The following SPAG16 variants were observed in gnomAD, a reference collection of about 807,000 sequenced individuals.
The protein encoded by SPAG16 is sperm-associated antigen 16 protein.
Under a neutral mutation model 80.4 loss-of-function variants are expected in SPAG16, and 86 were observed. The observed-to-expected ratio is 1.07, with a 90% CI of 0.90 to 1.28. The LOEUF is 1.28. SPAG16 is among the 50% of genes most tolerant of loss of function. The pLI, the probability that SPAG16 is intolerant of heterozygous loss-of-function variation, is 0.00. For missense variants in SPAG16, 870 were observed against 765.3 expected (o/e 1.14, Z -1.61); for synonymous variants, 294 against 265.9 (o/e 1.11, Z -1.03).
At position 213,745,777 on chromosome 2, in the gene SPAG16, G is replaced by A. The variant is rs371858524; in HGVS notation, c.1071-116708G>A. The stretch of plus-strand genomic sequence containing the variant: ...ATAATCAACTTTAAAAAGGGACATC[G>A]GTTTGATTTTGAAAAATCACTTCTT... On this transcript the variant is annotated intron_variant, in intron 10 of 15. Transcript: ENST00000331683. Among the ~76,000 whole-genome samples, 15 of 152,054 alleles carry A rather than the reference G, an allele frequency of 9.9e-5. No individual in the cohort carries two copies. The South Asian group carries it at 1.0e-3, about 11-fold the overall frequency.
chr2:213,944,524 A>G lies in SPAG16; in HGVS notation c.1400+14379A>G, dbSNP rs1275789500. On this transcript the variant is annotated intron_variant, in intron 12 of 15. Coordinates refer to ENST00000331683, the MANE Select transcript of SPAG16 (RefSeq NM_024532.5). ...CACAGGGAGAGAGGAATTTTGGCTCAGAATAAATCATACCTCAAGATTCAA... is the reference window on the plus strand; with the variant it reads ...CACAGGGAGAGAGGAATTTTGGCTCGGAATAAATCATACCTCAAGATTCAA... 3.9e-5 allele frequency among the ~76,000 whole-genome samples: 6 copies of G among 152,230 alleles called. No individual in the cohort carries two copies. The East Asian group carries it at 5.8e-4, about 15-fold the overall frequency.
At chr2:213,758,786 A>G (rs1412344505) in intron 10 of SPAG16, among the ~76,000 whole-genome samples, 1 of 152,228 alleles carries the variant, frequency 6.6e-6, no homozygotes, top group African/African-American at 2.4e-5. Context: ...CTGATAAAAG[A>G]CATTAATATA....
At chr2:214,205,373 T>C (rs935380853) in intron 15 of SPAG16, among the ~76,000 whole-genome samples, 2 of 152,226 alleles carry the variant, frequency 1.3e-5, no homozygotes, top group Non-Finnish European at 2.9e-5. Flanking sequence ...AAGTTGATAA[T>C]GTATTTTACT....
At chr2:213,751,728 G>T (rs1324771073) in intron 10 of SPAG16, among the ~76,000 whole-genome samples, 10 of 152,164 alleles carry the variant, frequency 6.6e-5, no homozygotes. Flanking sequence ...TGGCTGTCTT[G>T]ACAAGAATAA....
Position 213,415,880 on chromosome 2 carries a change from C to G in SPAG16, c.942+40761C>G, listed in dbSNP as rs537028775. On this transcript the variant is annotated intron_variant, in intron 9 of 15. Transcript: ENST00000331683. ...GGGAATAGGGTCTAAGGGGAGGGAA[C>G]TTGGTTGCAATTAAGGCAGGAAGCT... Among the ~76,000 whole-genome samples the G allele has an allele frequency of 2.6e-5, 4 of 152,202 alleles. No homozygotes were observed. In the South Asian group the frequency reaches 8.3e-4, roughly 32 times the overall value.
chr2:214,001,486 G>A (rs138760430), intron 12 of SPAG16, among the ~76,000 whole-genome samples: 11 of 152,258 alleles, frequency 7.2e-5, no homozygotes, highest in Non-Finnish European at 1.0e-4. Flanking sequence ...ATGAAGGATT[G>A]ACTTTCATAG....
At chr2:213,458,251 G>A (rs79622420) in intron 9 of SPAG16, among the ~76,000 whole-genome samples, 3,540 of 151,896 alleles carry the variant, frequency 0.023, 58 homozygotes, top group South Asian at 0.038. Flanking sequence ...GAGATCATTT[G>A]CCTTCTAAAT....
intron 13 of SPAG16, among the ~76,000 whole-genome samples, chr2:214,074,181 C>T (rs1391511481): frequency 1.3e-5 from 2 of 152,128 alleles, no homozygotes; most frequent in Admixed American, 6.6e-5. Flanking sequence ...AGAACCCAAC[C>T]ATGCTAGCAC....
chr2:213,956,388 C>T (rs1213421508), intron 12 of SPAG16, among the ~76,000 whole-genome samples: 2 of 150,878 alleles, frequency 1.3e-5, no homozygotes, highest in Non-Finnish European at 2.9e-5. Flanking sequence ...CTTATAGTTC[C>T]TTAAGTTCCT....
At chr2:213,776,012 T>C (rs1193923898) in intron 10 of SPAG16, among the ~76,000 whole-genome samples, 2 of 152,226 alleles carry the variant, frequency 1.3e-5, no homozygotes. Flanking sequence ...AAATGTAAAC[T>C]AGATAAAGAA....
At chr2:213,909,571 C>T (rs62191891) in intron 11 of SPAG16, among the ~76,000 whole-genome samples, 51,769 of 151,424 alleles carry the variant, frequency 0.34, 9,296 homozygotes, top group South Asian at 0.47. Flanking sequence ...GAAATAACGC[C>T]GCATATCTAC....
chr2:213,465,943 T>C (rs185831458), intron 9 of SPAG16, among the ~76,000 whole-genome samples: 29 of 152,186 alleles, frequency 1.9e-4, no homozygotes, highest in African/African-American at 6.7e-4. Flanking sequence ...AACATTTGAG[T>C]CAATGGACTG....
chr2:213,601,123 G>A (rs1366966488), intron 10 of SPAG16, among the ~76,000 whole-genome samples: 1 of 152,196 alleles, frequency 6.6e-6, no homozygotes, highest in Non-Finnish European at 1.5e-5. Context: ...GCCTGCAGAA[G>A]AGGCAATGGT....
At chr2:214,372,313 T>A (rs1699875233) in intron 15 of SPAG16, among the ~76,000 whole-genome samples, 2 of 152,206 alleles carry the variant, frequency 1.3e-5, no homozygotes, top group Admixed American at 1.3e-4. Flanking sequence ...GGACAAATAG[T>A]GATTTCAACT....
intron 10 of SPAG16, among the ~76,000 whole-genome samples, chr2:213,584,450 A>G (rs918628076): frequency 6.6e-6 from 1 of 152,164 alleles, no homozygotes; most frequent in Non-Finnish European, 1.5e-5. Context: ...TATTGTTCTA[A>G]TATATAGTAA....
intron 10 of SPAG16, among the ~76,000 whole-genome samples, chr2:213,678,193 A>G (rs1415489636): frequency 6.6e-6 from 1 of 152,194 alleles, no homozygotes; most frequent in Admixed American, 6.5e-5. Flanking sequence ...ACACCCTAAC[A>G]TCACAATTAA....
intron 7 of SPAG16, among the ~76,000 whole-genome samples, chr2:213,358,027 G>T (rs2065763209): frequency 6.6e-6 from 1 of 152,080 alleles, no homozygotes; most frequent in South Asian, 2.1e-4. Context: ...ACTTAGTTTG[G>T]CTAGATATGA....
At chr2:214,091,693 CTT>C (rs760031140) in intron 13 of SPAG16, among the ~76,000 whole-genome samples, 5 of 152,176 alleles carry the variant, frequency 3.3e-5, no homozygotes, top group African/African-American at 7.2e-5. Flanking sequence ...GATATTCTCT[CTT>C]GTTTTCTAGT....
intron 10 of SPAG16, among the ~76,000 whole-genome samples, chr2:213,725,176 G>A (rs1359259400): frequency 6.6e-6 from 1 of 152,042 alleles, no homozygotes; most frequent in Non-Finnish European, 1.5e-5. Context: ...GGGACCTCAG[G>A]TGTGTACCAT....
Sources: allele counts gnomAD v4.1 joint callset (sites outside exome capture counted in the v4.1 genomes callset), GRCh38; gene constraint gnomAD v4.1.1; transcripts MANE v1.5; gene names NCBI Gene and HGNC (gene_info 2026-07-23, HGNC 2026-07-21).